The following ZCCHC2 variants were observed in gnomAD, a reference collection of about 807,000 sequenced individuals.
ZCCHC2 encodes the protein zinc finger CCHC-type containing 2, also known as zinc finger CCHC domain-containing protein 2.
Under a neutral mutation model 103.6 loss-of-function variants are expected in ZCCHC2, and 39 were observed. The ratio of observed to expected loss-of-function variants is 0.38; its 90% CI spans 0.29 to 0.49. The LOEUF (loss-of-function observed/expected upper bound fraction) is 0.49. ZCCHC2 is among the 20% of genes least tolerant of loss of function. The probability of loss-of-function intolerance (pLI) is 0.96; values close to 1 mark genes in which losing one functional copy is unlikely to be tolerated. For synonymous variants in ZCCHC2, 687 were observed against 608.9 expected (o/e 1.13, Z -1.89); for missense variants, 1,483 against 1,491.0 (o/e 0.99, Z 0.09).
At chr18:62,538,663 T>G (rs1169840737) in intron 1 of ZCCHC2, among the ~76,000 whole-genome samples, 1 of 152,198 alleles carries the variant, frequency 6.6e-6, no homozygotes, top group East Asian at 1.9e-4. Flanking sequence ...GAAGACAGAC[T>G]AGAAGGCAGA....
At position 62,577,774 on chromosome 18, in the gene ZCCHC2, A is replaced by G. The variant is rs558298078; in HGVS notation, c.*1195A>G. ...TTTAAAAAAAAAAAAAAGTTTTTTTAAAAAGCCAATCTATGTACTAAATTG... is the reference window on the plus strand; with the variant it reads ...TTTAAAAAAAAAAAAAAGTTTTTTTGAAAAGCCAATCTATGTACTAAATTG... On this transcript the variant is annotated 3_prime_UTR_variant, in exon 14 of 14. Coordinates refer to ENST00000269499, the MANE Select transcript of ZCCHC2 (RefSeq NM_017742.6). The G allele has an allele frequency of 6.6e-6, 1 of 152,514 alleles. No individual in the cohort carries two copies. Among genetic ancestry groups the G allele is most frequent in the African/African-American group, 2.4e-5 (1 of 41,446 alleles). The allele number at this position is 152,514 out of a possible 1,614,324, so 9.4% of individuals were successfully genotyped here. A position where few individuals can be genotyped will look rare whatever the true frequency, so the allele number is the denominator to read the frequency against.
At chr18:62,571,872 G>C (rs1326211216) in intron 12 of ZCCHC2, among the ~76,000 whole-genome samples, 1 of 151,736 alleles carries the variant, frequency 6.6e-6, no homozygotes, top group Non-Finnish European at 1.5e-5. Flanking sequence ...ATGGTATAGA[G>C]TGTTGCTACA....
intron 1 of ZCCHC2, among the ~76,000 whole-genome samples, chr18:62,530,103 T>C (rs1914617267): frequency 6.6e-6 from 1 of 152,240 alleles, no homozygotes; most frequent in Non-Finnish European, 1.5e-5. Flanking sequence ...CTAGTACCAA[T>C]TCCTCATGGG....
At chr18:62,537,269 C>T (rs1439279818) in intron 1 of ZCCHC2, among the ~76,000 whole-genome samples, 2 of 152,148 alleles carry the variant, frequency 1.3e-5, no homozygotes, top group African/African-American at 2.4e-5. Flanking sequence ...GCCTTGAACT[C>T]CTGGGCCCAA....
At chr18:62,545,518 A>G (rs1479037248) in intron 4 of ZCCHC2, among the ~76,000 whole-genome samples, 4 of 152,232 alleles carry the variant, frequency 2.6e-5, no homozygotes, top group Non-Finnish European at 4.4e-5. Context: ...CAGACTTGCC[A>G]GAGGTGAAAG....
chr18:62,523,396 C>A lies in ZCCHC2; in HGVS notation c.-29C>A. On this transcript the variant is annotated 5_prime_UTR_variant, in exon 1 of 14. Coordinates refer to ENST00000269499, the MANE Select transcript of ZCCHC2 (RefSeq NM_017742.6). ...TCGCGGCCCCTCCCGCCCGCCCCCG[C>A]TCGCATGTCTGCGCCGCCCTAGCCG... is the stretch of plus-strand genomic sequence containing the variant. 1 of 1,029,220 alleles carries A rather than the reference C, an allele frequency of 9.7e-7. No homozygotes were observed. The highest frequency in any genetic ancestry group is 1.2e-6 in the Non-Finnish European group (1 of 859,584). 63.8% of individuals were successfully genotyped at this position (1,029,220 alleles called of 1,614,324 possible).
chr18:62,566,209 C>T (rs150501555), intron 11 of ZCCHC2, among the ~76,000 whole-genome samples: 1 of 152,334 alleles, frequency 6.6e-6, no homozygotes, highest in Non-Finnish European at 1.5e-5. Flanking sequence ...TGCGCCATTG[C>T]ACTCCAGCCT....
In ZCCHC2 at chr18:62,574,840, G is replaced by C. The variant is rs757651970; in HGVS notation, c.2759G>C (p.Gly920Ala). The change falls in exon 13 of 14, where the codon GGC becomes GCC. Residue 920 changes from glycine (G) to alanine (A), a missense_variant. Coordinates refer to ENST00000269499, the MANE Select transcript of ZCCHC2 (RefSeq NM_017742.6). ...CCACCAGCTTCCTACCCCTTACCAG[G>C]CTCTCCCCTTGCTGCCGGCGTGTTA... ...AQPPASYPLPGSPLAAGVLPS... is the reference protein window; with the variant it reads ...AQPPASYPLPASPLAAGVLPS... 1 of 1,613,888 alleles carries C rather than the reference G, an allele frequency of 6.2e-7. No homozygotes were observed. The highest frequency in any genetic ancestry group is 8.5e-7 in the Non-Finnish European group (1 of 1,179,874).
chr18:62,534,318 A>G (rs1269514375), intron 1 of ZCCHC2, among the ~76,000 whole-genome samples: 1 of 151,960 alleles, frequency 6.6e-6, no homozygotes, highest in Admixed American at 6.6e-5. Context: ...TCTTAAAAAA[A>G]AAAAAAAAAA....
chr18:62,530,979 T>A (rs186313125), intron 1 of ZCCHC2, among the ~76,000 whole-genome samples: 61 of 152,300 alleles, frequency 4.0e-4, no homozygotes, highest in Middle Eastern at 3.4e-3. Context: ...TTAAGAACAT[T>A]TTTTTACTTT....
Position 62,548,262 on chromosome 18 carries a change from A to T in ZCCHC2, c.1201-2086A>T, listed in dbSNP as rs143143083. The stretch of plus-strand genomic sequence containing the variant: ...GATTTAAAACTGTATATATATATAT[A>T]TTTTTTTTAGCAAATGAGTCTTTCT... On this transcript the variant is annotated intron_variant, in intron 4 of 13. Coordinates refer to ENST00000269499, the MANE Select transcript of ZCCHC2 (RefSeq NM_017742.6). Among the ~76,000 whole-genome samples, 1,243 of 151,726 alleles carry T rather than the reference A, an allele frequency of 8.2e-3. 18 individuals are homozygous for T. The highest frequency in any genetic ancestry group is 0.025 in the African/African-American group (1,026 of 41,442).
At chr18:62,531,956 C>G (rs1473799929) in intron 1 of ZCCHC2, among the ~76,000 whole-genome samples, 2 of 152,040 alleles carry the variant, frequency 1.3e-5, no homozygotes, top group Non-Finnish European at 2.9e-5. Context: ...TGCACTCCAG[C>G]CTGAGCAACA....
At chr18:62,583,738 G>A (rs1045016381) in intron 14 of ZCCHC2, among the ~76,000 whole-genome samples, 45 of 151,948 alleles carry the variant, frequency 3.0e-4, no homozygotes, top group African/African-American at 9.9e-4. Context: ...TGAGTTTCGA[G>A]GTGTGAGATA....
In ZCCHC2 at chr18:62,578,430, G is replaced by A. The variant is rs955703601; in HGVS notation, c.*1851G>A. 3.3e-5 allele frequency: 5 copies of A among 152,466 alleles called. No individual in the cohort carries two copies. The highest frequency in any genetic ancestry group is 1.2e-4 in the African/African-American group (5 of 41,392). The allele number at this position is 152,466 out of a possible 1,614,324, so 9.4% of individuals were successfully genotyped here. On this transcript the variant is annotated 3_prime_UTR_variant, in exon 14 of 14. Coordinates refer to ENST00000269499, the MANE Select transcript of ZCCHC2 (RefSeq NM_017742.6). ...TAAAATACTGTACTGTACATAGGAG[G>A]TATGTTACCTTCTCCTTATTTGTAT...
intron 1 of ZCCHC2, among the ~76,000 whole-genome samples, chr18:62,536,426 C>T (rs1017211012): frequency 6.6e-6 from 1 of 152,178 alleles, no homozygotes; most frequent in African/African-American, 2.4e-5. Flanking sequence ...TCCAACTAGT[C>T]TTTGTAAAAT....
chr18:62,540,206 A>G (rs1915113435), intron 2 of ZCCHC2, among the ~76,000 whole-genome samples: 2 of 152,264 alleles, frequency 1.3e-5, no homozygotes, highest in African/African-American at 4.8e-5. Flanking sequence ...TCCTGCAATA[A>G]TGCAGTTTTT....
intron 7 of ZCCHC2, among the ~76,000 whole-genome samples, chr18:62,559,913 A>G (rs369027537): frequency 2.6e-5 from 4 of 152,256 alleles, no homozygotes; most frequent in African/African-American, 7.2e-5. Context: ...AACTATTTGC[A>G]TAGCATTTAC....
rs1044514403 is a variant in ZCCHC2 at position 62,578,157 on chromosome 18, G to A, written c.*1578G>A. 1 of 152,476 alleles carries A rather than the reference G, an allele frequency of 6.6e-6. No individual in the cohort carries two copies. Among genetic ancestry groups the A allele is most frequent in the Non-Finnish European group, 1.5e-5 (1 of 68,012 alleles). 9.4% of individuals were successfully genotyped at this position (152,476 alleles called of 1,614,324 possible). ...GTACATTTTGAAACTTTCTTTCAGG[G>A]GTGGGAGTTATGGGGAAGGGGTGGG... On this transcript the variant is annotated 3_prime_UTR_variant, in exon 14 of 14. Transcript: ENST00000269499.
chr18:62,542,093 A>G (rs1915215869), intron 2 of ZCCHC2, among the ~76,000 whole-genome samples: 1 of 152,196 alleles, frequency 6.6e-6, no homozygotes, highest in Non-Finnish European at 1.5e-5. Context: ...CCTACTATGT[A>G]TTAATAATTG....
Sources: allele counts gnomAD v4.1 joint callset (sites outside exome capture counted in the v4.1 genomes callset), GRCh38; gene constraint gnomAD v4.1.1; transcripts MANE v1.5; gene names NCBI Gene and HGNC (gene_info 2026-07-23, HGNC 2026-07-21).